The following FANCL variants were observed in gnomAD, a reference collection of about 807,000 sequenced individuals.
The protein encoded by FANCL is FA complementation group L.
A neutral mutation model predicts 59.4 loss-of-function variants in FANCL; 69 were observed. The ratio of observed to expected loss-of-function variants is 1.16; its 90% CI spans 0.96 to 1.42. FANCL has a LOEUF of 1.42. FANCL is among the 40% of genes most tolerant of loss of function. The probability of loss-of-function intolerance (pLI) is 0.00; values close to 1 mark genes in which losing one functional copy is unlikely to be tolerated. For missense variants in FANCL, 519 were observed against 447.2 expected, an observed-to-expected ratio of 1.16 and a Z score of -1.45; for synonymous variants, 180 against 147.1, an observed-to-expected ratio of 1.22 and a Z score of -1.62.
At chr2:58,174,101 T>C (rs866341138) in intron 7 of FANCL, among the ~76,000 whole-genome samples, 1 of 152,088 alleles carries the variant, frequency 6.6e-6, no homozygotes, top group African/African-American at 2.4e-5. Context: ...CCTAAATATA[T>C]ATGCACCCAA....
chr2:58,170,775 G>A (rs955146024), intron 7 of FANCL, among the ~76,000 whole-genome samples: 4 of 150,486 alleles, frequency 2.7e-5, no homozygotes, highest in African/African-American at 9.8e-5. Flanking sequence ...AAGAGACAAA[G>A]AAGGGCATTA....
chr2:58,202,863 A>G (rs1690184435), intron 6 of FANCL, among the ~76,000 whole-genome samples: 1 of 151,900 alleles, frequency 6.6e-6, no homozygotes, highest in Non-Finnish European at 1.5e-5. Flanking sequence ...GCTTGTAAAA[A>G]TGAGGACAGG....
At chr2:58,199,765 A>C (rs925865735) in intron 6 of FANCL, among the ~76,000 whole-genome samples, 23 of 152,138 alleles carry the variant, frequency 1.5e-4, no homozygotes, top group African/African-American at 5.3e-4. Flanking sequence ...ATTTCTTTTC[A>C]TTAAAAAGCT....
chr2:58,237,244 T>C (rs1694106732), intron 1 of FANCL, among the ~76,000 whole-genome samples: 2 of 152,170 alleles, frequency 1.3e-5, no homozygotes, highest in South Asian at 4.1e-4. Flanking sequence ...GCTCAATAAA[T>C]ATTTTAAAAA....
At chr2:58,221,122 G>A (rs1475854434) in intron 5 of FANCL, among the ~76,000 whole-genome samples, 21 of 151,998 alleles carry the variant, frequency 1.4e-4, no homozygotes, top group African/African-American at 4.8e-4. Flanking sequence ...CTGAGGCAGG[G>A]GAATGGCGTG....
At chr2:58,198,479 T>G in intron 7 of FANCL, 115 bp downstream of exon 7, 2 of 793,242 alleles carry the variant, frequency 2.5e-6, no homozygotes, top group Non-Finnish European at 4.2e-6. Context: ...TGGGTATGCA[T>G]GGATTTTGGT....
At chr2:58,220,339 G>A (rs889391434) in intron 5 of FANCL, among the ~76,000 whole-genome samples, 1 of 152,064 alleles carries the variant, frequency 6.6e-6, no homozygotes, top group Admixed American at 6.5e-5. Flanking sequence ...TCTGCACATA[G>A]GTGCACCAAA....
intron 5 of FANCL, 134 bp downstream of exon 5, chr2:58,221,808 C>T (rs923819132): frequency 4.7e-6 from 3 of 643,694 alleles, no homozygotes; most frequent in Non-Finnish European, 8.2e-6. Context: ...TTCACAGCAA[C>T]AATAAGGATC....
intron 5 of FANCL, among the ~76,000 whole-genome samples, chr2:58,208,657 C>T (rs1034862077): frequency 6.6e-5 from 10 of 152,262 alleles, no homozygotes; most frequent in Admixed American, 5.9e-4. Flanking sequence ...TGAAGACCTT[C>T]ATGTTTGAAT....
chr2:58,170,018 T>C (rs1357484133), intron 7 of FANCL, among the ~76,000 whole-genome samples: 2 of 151,812 alleles, frequency 1.3e-5, no homozygotes, highest in Non-Finnish European at 2.9e-5. Flanking sequence ...AACATTCCAA[T>C]TCAGGAAATA....
intron 2 of FANCL, among the ~76,000 whole-genome samples, chr2:58,231,588 T>C (rs1372338305): frequency 3.9e-5 from 6 of 152,200 alleles, no homozygotes. Flanking sequence ...AATTGAGATT[T>C]GGGGTGGTAC....
At chr2:58,232,955 C>G (rs1451711600) in intron 1 of FANCL, among the ~76,000 whole-genome samples, 1 of 151,970 alleles carries the variant, frequency 6.6e-6, no homozygotes, top group Non-Finnish European at 1.5e-5. Context: ...AATTTTAACA[C>G]AGTCTCCCTC....
chr2:58,221,701 A>G (rs1304470375), intron 5 of FANCL, among the ~76,000 whole-genome samples: 1 of 152,182 alleles, frequency 6.6e-6, no homozygotes, highest in Non-Finnish European at 1.5e-5. Flanking sequence ...TATTACGGTA[A>G]CATCTTACTG....
chr2:58,208,378 T>C (rs1690796696), intron 5 of FANCL, among the ~76,000 whole-genome samples: 2 of 152,204 alleles, frequency 1.3e-5, no homozygotes, highest in South Asian at 2.1e-4. Context: ...GTATTTATCA[T>C]TTGCTATATT....
chr2:58,166,206 C>T (rs1337224744), intron 7 of FANCL, among the ~76,000 whole-genome samples: 13 of 152,044 alleles, frequency 8.6e-5, no homozygotes, highest in Non-Finnish European at 1.6e-4. Flanking sequence ...TATTAATGTA[C>T]ATGATATAGC....
chr2:58,166,587 G>T (rs1416443446), intron 7 of FANCL, among the ~76,000 whole-genome samples: 1 of 152,166 alleles, frequency 6.6e-6, no homozygotes, highest in East Asian at 1.9e-4. Flanking sequence ...ATGAAACAAT[G>T]TGGTATGTTT....
rs753977997 is a variant in FANCL, at chr2:58,160,168, T to A, written c.1032A>T (p.Gly344=). Residue 344 remains glycine (G), a synonymous_variant, in exon 13 of 14, where the codon GGA becomes GGT. Transcript: ENST00000233741. ...TAAAACTCTGTCTACTAGTTAGTAG[T>A]CCTCTCAGCCACTGCAAATTTTAAA... ...HQICLYEWLR[G]LLTSRQSFNI... is the part of the protein sequence containing the mutation. The A allele has an allele frequency of 6.2e-7, 1 of 1,612,820 alleles. No homozygotes were observed. The highest frequency in any genetic ancestry group is 8.5e-7 in the Non-Finnish European group (1 of 1,179,038).
chr2:58,170,615 G>T (rs1686484659), intron 7 of FANCL, among the ~76,000 whole-genome samples: 1 of 151,772 alleles, frequency 6.6e-6, no homozygotes, highest in African/African-American at 2.4e-5. Context: ...GCTGTATTCA[G>T]GAGATCCATC....
At chr2:58,201,521 A>T in intron 6 of FANCL, among the ~76,000 whole-genome samples, 1 of 152,032 alleles carries the variant, frequency 6.6e-6, no homozygotes, top group East Asian at 1.9e-4. Context: ...ATCCCCAAGT[A>T]AATACATACA....
Sources: allele counts gnomAD v4.1 joint callset (sites outside exome capture counted in the v4.1 genomes callset), GRCh38; gene constraint gnomAD v4.1.1; transcripts MANE v1.5; gene names NCBI Gene and HGNC (gene_info 2026-07-23, HGNC 2026-07-21).